Variants in CETN3 observed in about 807,000 individuals in gnomAD.
CETN3 encodes centrin 3, also known as centrin-3.
CETN3 carries 17 observed loss-of-function variants against 20.1 expected under a neutral mutation model. The ratio of observed to expected loss-of-function variants is 0.85; its 90% CI spans 0.58 to 1.27. The LOEUF is 1.27. Among genes scored for constraint, CETN3 ranks in the 50% most tolerant of loss-of-function variants. The pLI is 0.00. For synonymous variants in CETN3, 52 were observed against 59.7 expected (o/e 0.87, Z 0.59); for missense variants, 169 against 191.2 (o/e 0.88, Z 0.69).
intron 1 of CETN3, 36 bp downstream of exon 1, chr5:90,409,609 G>C: frequency 6.2e-7 from 1 of 1,613,330 alleles, no homozygotes; most frequent in Non-Finnish European, 8.5e-7. Flanking sequence ...CCCCGCTCCG[G>C]GGTGTGGAGA....
At chr5:90,401,687 A>G (rs1468847100) in intron 3 of CETN3, among the ~76,000 whole-genome samples, 1 of 152,140 alleles carries the variant, frequency 6.6e-6, no homozygotes, top group Non-Finnish European at 1.5e-5. Context: ...TTGGACTCCA[A>G]ACTCATTCCA....
Position 90,409,572 on chromosome 5 carries a change from C to G in CETN3, c.17+73G>C, listed in dbSNP as rs1580166761. On this transcript the variant is annotated intron_variant, in intron 1 of 4. Coordinates refer to ENST00000283122, the MANE Select transcript of CETN3 (RefSeq NM_004365.4). ...CTGCCTCGCCTCGGCCCCAAACGTC[C>G]TCCCTTCCACACACACCCTCCCTGG... is the stretch of plus-strand genomic sequence containing the variant. 8 of 1,576,244 alleles carry G rather than the reference C, an allele frequency of 5.1e-6. No homozygotes were observed. In the East Asian group the frequency reaches 1.6e-4, roughly 31 times the overall value.
Position 90,405,680 on chromosome 5 carries a change from C to T in CETN3, c.268+5G>A. 5.2e-6 allele frequency: 8 copies of T among 1,544,160 alleles called. No homozygotes were observed. Among genetic ancestry groups the T allele is most frequent in the Non-Finnish European group, 5.4e-6 (6 of 1,116,822 alleles). On this transcript the variant is annotated splice_donor_5th_base_variant and intron_variant, in intron 3 of 4. Coordinates refer to ENST00000283122, the MANE Select transcript of CETN3 (RefSeq NM_004365.4). ...GCTGATTACAAAGACTATTAAAATA[C>T]ACACCAACTTCATTAAAATCTTCAA... is the stretch of plus-strand genomic sequence containing the variant.
intron 3 of CETN3, among the ~76,000 whole-genome samples, chr5:90,404,806 A>C (rs1333413461): frequency 6.6e-6 from 1 of 152,028 alleles, no homozygotes; most frequent in Admixed American, 6.5e-5. Flanking sequence ...TTTGTTTCCA[A>C]ATTTTTAAAA....
chr5:90,399,924 G>C (rs866522528), intron 3 of CETN3, among the ~76,000 whole-genome samples: 5 of 152,184 alleles, frequency 3.3e-5, no homozygotes, highest in Admixed American at 6.5e-5. Context: ...TACCTGTGGA[G>C]AGACATACCA....
rs760414310 is a variant in CETN3, at chr5:90,409,697, A to G, written c.-36T>C. ...CACAGAGACGTTCCTCTCAAGAACGATTTTAACCCCCTACCCAAGGCAGCA... is the reference window on the plus strand; with the variant it reads ...CACAGAGACGTTCCTCTCAAGAACGGTTTTAACCCCCTACCCAAGGCAGCA... On this transcript the variant is annotated 5_prime_UTR_variant, in exon 1 of 5. Coordinates refer to ENST00000283122, the MANE Select transcript of CETN3 (RefSeq NM_004365.4). 8 of 1,613,982 alleles carry G rather than the reference A, an allele frequency of 5.0e-6. No individual in the cohort carries two copies. The South Asian group carries it at 7.7e-5, about 16-fold the overall frequency.
intron 3 of CETN3, among the ~76,000 whole-genome samples, chr5:90,404,115 C>T (rs972722571): frequency 1.3e-5 from 2 of 152,078 alleles, no homozygotes; most frequent in African/African-American, 4.8e-5. Context: ...TGCTTAGTAG[C>T]ACTTACAACA....
At position 90,405,807 on chromosome 5, in the gene CETN3, A is replaced by T; in HGVS notation, c.154-8T>A. ...CAAGGCTCTCATTGCCACCTTTTGG[A>T]TTAAAAAGGAAAAGCAAATTATAAA... On this transcript the variant is annotated splice_polypyrimidine_tract_variant and splice_region_variant and intron_variant, in intron 2 of 4. Coordinates refer to ENST00000283122, the MANE Select transcript of CETN3 (RefSeq NM_004365.4). 6.4e-7 allele frequency: 1 copy of T among 1,572,222 alleles called. No individual in the cohort carries two copies. The highest frequency in any genetic ancestry group is 8.7e-7 in the Non-Finnish European group (1 of 1,151,026).
intron 3 of CETN3, among the ~76,000 whole-genome samples, chr5:90,400,754 T>C (rs1336295260): frequency 2.0e-5 from 3 of 152,298 alleles, no homozygotes; most frequent in African/African-American, 7.2e-5. Context: ...TTATATCATC[T>C]ACACATATTT....
rs922628568 is a variant in CETN3 at position 90,396,571 on chromosome 5, TA to T, written c.461-2465del. 3.3e-6 allele frequency: 5 copies of T among 1,524,824 alleles called. No individual in the cohort carries two copies. The Admixed American group carries it at 5.9e-5, about 18-fold the overall frequency. The allele number at this position is 1,524,824 out of a possible 1,614,324, so 94.5% of individuals were successfully genotyped here. A position where few individuals can be genotyped will look rare whatever the true frequency, so the allele number is the denominator to read the frequency against. ...AAGAGTATGTTCTTAAGAACTGTATTAAGAGAAAAAACATAAAACAGCCTTA... is the reference window on the plus strand; with the variant it reads ...AAGAGTATGTTCTTAAGAACTGTATTAGAGAAAAAACATAAAACAGCCTTA... On this transcript the variant is annotated intron_variant, in intron 4 of 4. Transcript: ENST00000283122.
intron 4 of CETN3, among the ~76,000 whole-genome samples, chr5:90,396,847 C>T (rs1455362702): frequency 6.6e-6 from 1 of 151,978 alleles, no homozygotes; most frequent in Non-Finnish European, 1.5e-5. Flanking sequence ...TACGGTCAGC[C>T]TTCTGTAACC....
At position 90,393,353 on chromosome 5, in the gene CETN3, A is replaced by C. The variant is rs2151881058; in HGVS notation, c.*711T>G. 1 of 152,360 alleles carries C rather than the reference A, an allele frequency of 6.6e-6. No homozygotes were observed. Among genetic ancestry groups the C allele is most frequent in the Non-Finnish European group, 1.5e-5 (1 of 68,028 alleles). The allele number at this position is 152,360 out of a possible 1,614,324, so 9.4% of individuals were successfully genotyped here. A position where few individuals can be genotyped will look rare whatever the true frequency, so the allele number is the denominator to read the frequency against. ...CAAGAAGTTAGAAAATTCAAATTGT[A>C]TTCATTCAATTTGTTTAAGGAAATA... On this transcript the variant is annotated 3_prime_UTR_variant, in exon 5 of 5. Transcript: ENST00000283122.
At chr5:90,401,984 G>A (rs1749302692) in intron 3 of CETN3, among the ~76,000 whole-genome samples, 2 of 152,070 alleles carry the variant, frequency 1.3e-5, no homozygotes, top group South Asian at 4.1e-4. Context: ...AAGTAGCTGG[G>A]ACTACAGGCA....
chr5:90,404,840 T>G (rs1749391961), intron 3 of CETN3, among the ~76,000 whole-genome samples: 1 of 151,398 alleles, frequency 6.6e-6, no homozygotes, highest in African/African-American at 2.4e-5. Context: ...TTATATGATG[T>G]GCTTATATCG....
intron 4 of CETN3, among the ~76,000 whole-genome samples, chr5:90,397,212 G>C (rs1354339414): frequency 6.6e-6 from 1 of 151,994 alleles, no homozygotes; most frequent in African/African-American, 2.4e-5. Context: ...AGTGGCTCAG[G>C]AAATTAAACT....
chr5:90,407,607 TTAAAA>T, intron 2 of CETN3, 87 bp downstream of exon 2: 6 of 950,202 alleles, frequency 6.3e-6, no homozygotes, highest in Non-Finnish European at 8.5e-6. Flanking sequence ...ACCAATTTAG[TTAAAA>T]TAATTATTTA....
At chr5:90,395,846 A>G in intron 4 of CETN3, 1 of 880,368 alleles carries the variant, frequency 1.1e-6, no homozygotes, top group Non-Finnish European at 1.4e-6. Context: ...AATGTTGAGG[A>G]GATAAAACAT....
At chr5:90,398,672 G>A (rs184703856) in intron 4 of CETN3, among the ~76,000 whole-genome samples, 52 of 152,308 alleles carry the variant, frequency 3.4e-4, no homozygotes, top group African/African-American at 1.2e-3. Flanking sequence ...GTTACTCAAG[G>A]TGGGATAGAT....
chr5:90,409,715 A>G lies in CETN3; in HGVS notation c.-54T>C, dbSNP rs1749578175. The G allele has an allele frequency of 1.9e-6, 3 of 1,612,058 alleles. No homozygotes were observed. In the Admixed American group the frequency reaches 5.0e-5, roughly 27 times the overall value. ...AAGAACGATTTTAACCCCCTACCCAAGGCAGCAAGACGCCCACAGCCGTTC... is the reference window on the plus strand; with the variant it reads ...AAGAACGATTTTAACCCCCTACCCAGGGCAGCAAGACGCCCACAGCCGTTC... On this transcript the variant is annotated 5_prime_UTR_variant, in exon 1 of 5. Coordinates refer to ENST00000283122, the MANE Select transcript of CETN3 (RefSeq NM_004365.4).
Sources: gnomAD v4.1 joint callset for allele counts (sites outside exome capture counted in the v4.1 genomes callset) on GRCh38, gnomAD v4.1.1 for gene constraint, MANE v1.5 for transcripts, NCBI Gene and HGNC (gene_info 2026-07-23, HGNC 2026-07-21) for gene names.